The following SH3GLB1 variants were observed in gnomAD, a reference collection of about 807,000 sequenced individuals.
The protein encoded by SH3GLB1 is endophilin-B1.
SH3GLB1 carries 17 observed loss-of-function variants against 42.0 expected under a neutral mutation model. The ratio of observed to expected loss-of-function variants is 0.40; its 90% confidence interval spans 0.28 to 0.61. SH3GLB1 has a LOEUF of 0.61. SH3GLB1 is among the 20% of genes least tolerant of loss of function. SH3GLB1 has a pLI of 0.36. For missense variants in SH3GLB1, 355 were observed against 426.3 expected (o/e 0.83, Z 1.47); for synonymous variants, 132 against 146.6 (o/e 0.90, Z 0.72).
Position 86,708,332 on chromosome 1 carries a change from TAGAGAGA to T in SH3GLB1, c.72+3362_72+3368del, listed in dbSNP as rs1329302073. Among the ~76,000 whole-genome samples the T allele has an allele frequency of 6.7e-4, 102 of 152,172 alleles. 1 individual carries two copies. The highest frequency in any genetic ancestry group is 2.4e-3 in the African/African-American group (98 of 41,452). On this transcript the variant is annotated intron_variant, in intron 1 of 8. Coordinates refer to ENST00000370558, the MANE Select transcript of SH3GLB1 (RefSeq NM_016009.5). ...ATCTCTTTATAAGCAGTAAGAACAG[TAGAGAGA>T]GAAACATTCACGTTTATAAATAATA...
chr1:86,709,800 A>C (rs977473990), intron 1 of SH3GLB1, among the ~76,000 whole-genome samples: 2 of 152,258 alleles, frequency 1.3e-5, no homozygotes, highest in African/African-American at 4.8e-5. Context: ...TAAGGAATAT[A>C]GTTCTTAAAA....
At chr1:86,725,088 C>T (rs1655124801) in intron 5 of SH3GLB1, among the ~76,000 whole-genome samples, 1 of 148,868 alleles carries the variant, frequency 6.7e-6, no homozygotes, top group Non-Finnish European at 1.5e-5. Context: ...TTTTAAATAT[C>T]GTCAGTGGTC....
At chr1:86,734,016 A>G (rs1655651941) in intron 5 of SH3GLB1, among the ~76,000 whole-genome samples, 1 of 152,166 alleles carries the variant, frequency 6.6e-6, no homozygotes, top group Admixed American at 6.5e-5. Flanking sequence ...CATAGTTTGA[A>G]AAGAAAATTT....
At chr1:86,719,405 T>C in intron 2 of SH3GLB1, 102 bp from the exon 3 acceptor site, 1 of 880,418 alleles carries the variant, frequency 1.1e-6, no homozygotes, top group South Asian at 2.7e-5. Flanking sequence ...GAATGAATGC[T>C]AACTTTAGGA....
intron 2 of SH3GLB1, among the ~76,000 whole-genome samples, chr1:86,716,662 CAAT>C (rs755464428): frequency 1.3e-5 from 2 of 152,158 alleles, no homozygotes; most frequent in South Asian, 2.1e-4. Flanking sequence ...TAAGTCAACT[CAAT>C]AATCTTGCAG....
In SH3GLB1 at chr1:86,726,937, CT is replaced by C. The variant is rs563945760; in HGVS notation, c.570+2535del. On this transcript the variant is annotated intron_variant, in intron 5 of 8. Coordinates refer to ENST00000370558, the MANE Select transcript of SH3GLB1 (RefSeq NM_016009.5). ...AGTGGTTAATCTGACCTTAGAATTA[CT>C]TTGACTTCACGTCTTTATAAATTTC... Among the ~76,000 whole-genome samples, 254 of 151,934 alleles carry C rather than the reference CT, an allele frequency of 1.7e-3. 1 individual carries two copies. The highest frequency in any genetic ancestry group is 5.8e-3 in the African/African-American group (241 of 41,494).
rs561027958 is a variant in SH3GLB1, at chr1:86,739,869, G to A, written c.762-2339G>A. Among the ~76,000 whole-genome samples the A allele has an allele frequency of 2.0e-5, 3 of 152,234 alleles. No homozygotes were observed. In the South Asian group the frequency reaches 6.2e-4, roughly 32 times the overall value. On this transcript the variant is annotated intron_variant, in intron 7 of 8. Transcript: ENST00000370558. ...GCTCATTAAAGAGTTTCCTGGCCAG[G>A]CGCAGTGGCTCATGCCTGTAATCCC...
At position 86,734,603 on chromosome 1, in the gene SH3GLB1, C is replaced by G. The variant is rs767051848; in HGVS notation, c.572C>G (p.Ser191Cys). 3 of 1,605,940 alleles carry G rather than the reference C, an allele frequency of 1.9e-6. No homozygotes were observed. The highest frequency in any genetic ancestry group is 2.6e-6 in the Non-Finnish European group (3 of 1,173,064). ...KAKAAETRNS[S>C]EQELRITQSE... The stretch of plus-strand genomic sequence containing the variant: ...TCTAAAACTATATTCTTACTTAAGT[C>G]TGAACAGGAATTAAGAATAACTCAA... The change falls in exon 6 of 9, where the codon TCT becomes TGT. Residue 191 changes from serine (S) to cysteine (C), a missense_variant and splice_region_variant. Coordinates refer to ENST00000370558, the MANE Select transcript of SH3GLB1 (RefSeq NM_016009.5).
In SH3GLB1 at chr1:86,742,091, A is replaced by G. The variant is rs1378287492; in HGVS notation, c.762-117A>G. ...ACTTTGTCATTAACGTATTATTAAT[A>G]TCTATAAATCTTTTCCAATGTGAAG... On this transcript the variant is annotated intron_variant, in intron 7 of 8. Transcript: ENST00000370558. 8.9e-6 allele frequency: 6 copies of G among 673,388 alleles called. No individual in the cohort carries two copies. The Admixed American group carries it at 1.4e-4, about 16-fold the overall frequency. The allele number at this position is 673,388 out of a possible 1,614,324, so 41.7% of individuals were successfully genotyped here.
chr1:86,747,074 CAAA>C lies in SH3GLB1; in HGVS notation c.*3842_*3844del, dbSNP rs1328909299. 6.6e-6 allele frequency: 1 copy of C among 152,520 alleles called. No individual in the cohort carries two copies. The highest frequency in any genetic ancestry group is 2.4e-5 in the African/African-American group (1 of 41,424). The allele number at this position is 152,520 out of a possible 1,614,324, so 9.4% of individuals were successfully genotyped here. The stretch of plus-strand genomic sequence containing the variant: ...TGACAGCTTTTTAAATATTTTAAGA[CAAA>C]AACTGAGTCTTCTAATCTTAATTGT... On this transcript the variant is annotated 3_prime_UTR_variant, in exon 9 of 9. Coordinates refer to ENST00000370558, the MANE Select transcript of SH3GLB1 (RefSeq NM_016009.5).
At chr1:86,736,211 G>GAT (rs1434991403) in intron 7 of SH3GLB1, among the ~76,000 whole-genome samples, 3 of 152,094 alleles carry the variant, frequency 2.0e-5, no homozygotes, top group Admixed American at 1.3e-4. Flanking sequence ...TTGTTGTAAG[G>GAT]AGTTTGGAAT....
Position 86,746,005 on chromosome 1 carries a change from C to T in SH3GLB1, c.*2770C>T, listed in dbSNP as rs1457819688. ...TTTCCTCAAAGTAATCTAACCTAAA[C>T]GGTCATGGTGTTAAAACTTTTTATG... On this transcript the variant is annotated 3_prime_UTR_variant, in exon 9 of 9. Transcript: ENST00000370558. The T allele has an allele frequency of 6.6e-6, 1 of 152,468 alleles. No individual in the cohort carries two copies. Among genetic ancestry groups the T allele is most frequent in the South Asian group, 2.1e-4 (1 of 4,814 alleles). The allele number at this position is 152,468 out of a possible 1,614,324, so 9.4% of individuals were successfully genotyped here.
rs764915947 is a variant in SH3GLB1 at position 86,715,733 on chromosome 1, G to C, written c.82G>C (p.Glu28Gln). 1 of 1,595,742 alleles carries C rather than the reference G, an allele frequency of 6.3e-7. No individual in the cohort carries two copies. Among genetic ancestry groups the C allele is most frequent in the Non-Finnish European group, 8.5e-7 (1 of 1,175,916 alleles). ...TTACAATCAATAACAGTTCACAGAA[G>C]AAAAGCTTGGCCAGGCTGAGAAGAC... Reference protein sequence around the residue: ...FLSRAVQFTEEKLGQAEKTEL... With the variant: ...FLSRAVQFTEQKLGQAEKTEL... The change falls in exon 2 of 9, where the codon GAA (glutamate) becomes CAA (glutamine). Residue 28 changes from glutamate to glutamine, a missense_variant. Coordinates refer to ENST00000370558, the MANE Select transcript of SH3GLB1 (RefSeq NM_016009.5).
rs263478 is a variant in SH3GLB1 at position 86,742,189 on chromosome 1, G to A, written c.762-19G>A. 34 of 1,594,440 alleles carry A rather than the reference G, an allele frequency of 2.1e-5. No homozygotes were observed. The highest frequency in any genetic ancestry group is 2.8e-5 in the Non-Finnish European group (33 of 1,162,596). On this transcript the variant is annotated intron_variant, in intron 7 of 8. Coordinates refer to ENST00000370558, the MANE Select transcript of SH3GLB1 (RefSeq NM_016009.5). ...TTAGTCACTTGGAAATAAATAATTC[G>A]CTGCTTTCTTTTCAACAGTTTTCCA... is the stretch of plus-strand genomic sequence containing the variant.
intron 7 of SH3GLB1, among the ~76,000 whole-genome samples, chr1:86,741,085 A>G (rs1274621472): frequency 2.6e-5 from 4 of 152,136 alleles, no homozygotes; most frequent in Non-Finnish European, 5.9e-5. Flanking sequence ...TTTAGGGAAA[A>G]GAGTCTAAAA....
chr1:86,737,317 C>T (rs1655822847), intron 7 of SH3GLB1, among the ~76,000 whole-genome samples: 1 of 152,044 alleles, frequency 6.6e-6, no homozygotes, highest in Non-Finnish European at 1.5e-5. Context: ...TTTTTTAAAT[C>T]TTTAACTCTG....
intron 2 of SH3GLB1, among the ~76,000 whole-genome samples, chr1:86,718,364 TTAAC>T (rs1472748105): frequency 6.6e-6 from 1 of 152,148 alleles, no homozygotes; most frequent in African/African-American, 2.4e-5. Context: ...GTTCTGAAAT[TTAAC>T]TAGTATCTTC....
Position 86,747,538 on chromosome 1 carries a change from G to A in SH3GLB1, c.*4303G>A, listed in dbSNP as rs1656361355. ...CCCTGTCCATGTAGGGGAAACTTCTGGGCTGTATTACAAGTGGGTAGGAAG... is the reference window on the plus strand; with the variant it reads ...CCCTGTCCATGTAGGGGAAACTTCTAGGCTGTATTACAAGTGGGTAGGAAG... On this transcript the variant is annotated 3_prime_UTR_variant, in exon 9 of 9. Coordinates refer to ENST00000370558, the MANE Select transcript of SH3GLB1 (RefSeq NM_016009.5). 1 of 152,180 alleles carries A rather than the reference G, an allele frequency of 6.6e-6. No homozygotes were observed. The highest frequency in any genetic ancestry group is 1.5e-5 in the Non-Finnish European group (1 of 68,042). The allele number at this position is 152,180 out of a possible 1,614,324, so 9.4% of individuals were successfully genotyped here.
At chr1:86,727,836 T>G (rs1384116481) in intron 5 of SH3GLB1, among the ~76,000 whole-genome samples, 8 of 152,186 alleles carry the variant, frequency 5.3e-5, no homozygotes, top group Non-Finnish European at 1.0e-4. Context: ...TATAGCAAAC[T>G]TAAGCATTTC....
Sources: gnomAD v4.1 joint callset for allele counts (sites outside exome capture counted in the v4.1 genomes callset) on GRCh38, gnomAD v4.1.1 for gene constraint, MANE v1.5 for transcripts, NCBI Gene and HGNC (gene_info 2026-07-23, HGNC 2026-07-21) for gene names.